The following HDAC4 variants were observed in gnomAD, a reference collection of about 807,000 sequenced individuals.
The protein encoded by HDAC4 is histone deacetylase 4.
In HDAC4, 16 loss-of-function variants were observed where a neutral mutation model predicts 135.1. The ratio of observed to expected loss-of-function variants is 0.12; its 90% CI spans 0.08 to 0.18. The LOEUF is 0.18. Ranked by LOEUF, HDAC4 falls within the 10% of genes least tolerant of loss-of-function variation. The pLI is 1.00. For missense variants in HDAC4, 1,143 were observed against 1,511.8 expected (o/e 0.76, Z 4.05); for synonymous variants, 685 against 653.4 (o/e 1.05, Z -0.74).
At chr2:239,079,428 C>G (rs1282765454) in intron 22 of HDAC4, among the ~76,000 whole-genome samples, 1 of 152,204 alleles carries the variant, frequency 6.6e-6, no homozygotes, top group African/African-American at 2.4e-5. Flanking sequence ...CAGATGGGGT[C>G]TGTTCCCTCT....
chr2:239,326,887 C>T (rs1402814767), intron 2 of HDAC4, among the ~76,000 whole-genome samples: 1 of 152,216 alleles, frequency 6.6e-6, no homozygotes, highest in East Asian at 1.9e-4. Context: ...GGGCAGTTCA[C>T]ATGCCACCCC....
intron 2 of HDAC4, among the ~76,000 whole-genome samples, chr2:239,348,903 G>C (rs1385437554): frequency 6.6e-6 from 1 of 152,238 alleles, no homozygotes; most frequent in Non-Finnish European, 1.5e-5. Flanking sequence ...AAGTTCAGCG[G>C]GAACAGCAAT....
At chr2:239,254,986 C>T (rs2048976455) in intron 2 of HDAC4, among the ~76,000 whole-genome samples, 1 of 152,194 alleles carries the variant, frequency 6.6e-6, no homozygotes, top group Admixed American at 6.5e-5. Context: ...TGTCTTCAAA[C>T]ATGCTGAAAG....
At chr2:239,200,789 G>A (rs962639088) in intron 3 of HDAC4, among the ~76,000 whole-genome samples, 1 of 152,208 alleles carries the variant, frequency 6.6e-6, no homozygotes, top group South Asian at 2.1e-4. Flanking sequence ...GATTGCATTC[G>A]ACGCCGTGCT....
At chr2:239,353,617 G>C (rs952514867) in intron 1 of HDAC4, among the ~76,000 whole-genome samples, 1 of 152,088 alleles carries the variant, frequency 6.6e-6, no homozygotes. Context: ...AGTGCCAAAG[G>C]TCCTCTGGGG....
rs3791362 is a variant in HDAC4 at position 239,063,180 on chromosome 2, C to A, written c.3003+3542G>T. On this transcript the variant is annotated intron_variant, in intron 24 of 26. Transcript: ENST00000543185. The stretch of plus-strand genomic sequence containing the variant: ...CGTTCCCATCCCCCATCCTCCCAAG[C>A]CGGGCCGTGGCCCTGCAGTCTTTTT... 2.0e-5 allele frequency among the ~76,000 whole-genome samples: 3 copies of A among 152,214 alleles called. No homozygotes were observed. The East Asian group carries it at 5.8e-4, about 29-fold the overall frequency.
At chr2:239,353,438 G>A (rs530603008) in intron 1 of HDAC4, among the ~76,000 whole-genome samples, 1 of 152,328 alleles carries the variant, frequency 6.6e-6, no homozygotes, top group South Asian at 2.1e-4. Flanking sequence ...TGTCTCCAGA[G>A]AGCAGGGTTT....
rs2030332031 is a variant in HDAC4 at position 239,048,596 on chromosome 2, A to AGAT, written c.*4500_*4501insATC. The AGAT allele has an allele frequency of 1.0e-5, 1 of 95,262 alleles. No homozygotes were observed. The highest frequency in any genetic ancestry group is 2.5e-5 in the Non-Finnish European group (1 of 40,572). The allele number at this position is 95,262 out of a possible 1,614,324, so 5.9% of individuals were successfully genotyped here. On this transcript the variant is annotated 3_prime_UTR_variant, in exon 27 of 27. Coordinates refer to ENST00000543185, the MANE Select transcript of HDAC4 (RefSeq NM_001378414.1). The stretch of plus-strand genomic sequence containing the variant: ...AGATAGATAGATAGATAGATAGATT[A>AGAT]TATATGTTTGTCATTCTCATCAATT...
chr2:239,221,747 G>A (rs1259890485), intron 3 of HDAC4, among the ~76,000 whole-genome samples: 1 of 152,156 alleles, frequency 6.6e-6, no homozygotes, highest in East Asian at 1.9e-4. Flanking sequence ...TTTTCAGCCA[G>A]TCATCGTGGA....
At chr2:239,125,185 G>GC (rs1199927523) in intron 12 of HDAC4, among the ~76,000 whole-genome samples, 15 of 152,244 alleles carry the variant, frequency 9.9e-5, no homozygotes, top group Non-Finnish European at 4.4e-5. Flanking sequence ...GTGGGACCTG[G>GC]CAGGAGGTGG....
At chr2:239,154,092 C>A (rs552184668) in intron 7 of HDAC4, among the ~76,000 whole-genome samples, 1 of 152,216 alleles carries the variant, frequency 6.6e-6, no homozygotes, top group South Asian at 2.1e-4. Flanking sequence ...TGTTCTGTTG[C>A]GAGTTGGGGT....
Position 239,051,650 on chromosome 2 carries a change from T to C in HDAC4, c.*1447A>G, listed in dbSNP as rs2030867867. On this transcript the variant is annotated 3_prime_UTR_variant, in exon 27 of 27. Transcript: ENST00000543185. The stretch of plus-strand genomic sequence containing the variant: ...AGGCTTGGAGACGGGAGCGGTTCTG[T>C]TAGAAAATAATTAAAATGAAAGTAC... 6 of 152,592 alleles carry C rather than the reference T, an allele frequency of 3.9e-5. No homozygotes were observed. In the South Asian group the frequency reaches 8.3e-4, roughly 21 times the overall value. 9.5% of individuals were successfully genotyped at this position (152,592 alleles called of 1,614,324 possible).
At chr2:239,376,214 G>A (rs942095219) in intron 1 of HDAC4, among the ~76,000 whole-genome samples, 2 of 143,282 alleles carry the variant, frequency 1.4e-5, no homozygotes, top group African/African-American at 5.3e-5. Context: ...AACAAGGCAG[G>A]TGCTGTGTGC....
At chr2:239,186,069 AG>A (rs2153033331) in intron 4 of HDAC4, among the ~76,000 whole-genome samples, 1 of 152,228 alleles carries the variant, frequency 6.6e-6, no homozygotes, top group Non-Finnish European at 1.5e-5. Context: ...GAAGTGCAAG[AG>A]AGAACTTCCA....
rs545370760 is a variant in HDAC4, at chr2:239,189,651, A to AT, written c.339+181dup. Among the ~76,000 whole-genome samples, 13 of 152,260 alleles carry AT rather than the reference A, an allele frequency of 8.5e-5. No homozygotes were observed. In the East Asian group the frequency reaches 2.3e-3, roughly 27 times the overall value. ...CCCACTCAGCACCACGTCCTCCACAATACACGCAAGTGCTGCCCGCGGTTT... is the reference window on the plus strand; with the variant it reads ...CCCACTCAGCACCACGTCCTCCACAATTACACGCAAGTGCTGCCCGCGGTTT... On this transcript the variant is annotated intron_variant, in intron 4 of 26. Coordinates refer to ENST00000543185, the MANE Select transcript of HDAC4 (RefSeq NM_001378414.1).
chr2:239,339,445 C>A (rs1463110466), intron 2 of HDAC4, among the ~76,000 whole-genome samples: 1 of 152,232 alleles, frequency 6.6e-6, no homozygotes, highest in African/African-American at 2.4e-5. Flanking sequence ...AGTGATCTCC[C>A]AGCTCCTGCC....
intron 4 of HDAC4, among the ~76,000 whole-genome samples, chr2:239,189,357 C>T (rs923159735): frequency 6.6e-6 from 1 of 151,812 alleles, no homozygotes; most frequent in African/African-American, 2.4e-5. Context: ...CAAAAAAAGT[C>T]TTTTTTTTCT....
intron 2 of HDAC4, among the ~76,000 whole-genome samples, chr2:239,282,557 C>G (rs1165632729): frequency 2.0e-5 from 3 of 148,646 alleles, no homozygotes; most frequent in Non-Finnish European, 4.5e-5. Flanking sequence ...GTACACACCA[C>G]TCTACACACA....
intron 5 of HDAC4, among the ~76,000 whole-genome samples, chr2:239,166,301 C>A (rs1203999866): frequency 4.6e-5 from 7 of 152,292 alleles, no homozygotes. Context: ...AACTACACGA[C>A]CACCAGCATG....
Sources: gnomAD v4.1 joint callset for allele counts (sites outside exome capture counted in the v4.1 genomes callset) on GRCh38, gnomAD v4.1.1 for gene constraint, MANE v1.5 for transcripts, NCBI Gene and HGNC (gene_info 2026-07-23, HGNC 2026-07-21) for gene names.